The following MYZAP variants were observed in gnomAD, a reference collection of about 807,000 sequenced individuals.
MYZAP encodes the protein GRINL1A complex locus upstream.
Under a neutral mutation model 69.4 loss-of-function variants are expected in MYZAP, and 66 were observed. The ratio of observed to expected loss-of-function variants is 0.95; its 90% CI spans 0.78 to 1.17. MYZAP has a LOEUF of 1.17. Among genes scored for constraint, MYZAP ranks in the 50% most tolerant of loss-of-function variants. The probability of loss-of-function intolerance (pLI) is 0.00; values close to 1 mark genes in which losing one functional copy is unlikely to be tolerated. For synonymous variants in MYZAP, 256 were observed against 205.9 expected, an observed-to-expected ratio of 1.24 and a Z score of -2.09; for missense variants, 611 against 556.2, an observed-to-expected ratio of 1.10 and a Z score of -0.99.
intron 10 of MYZAP, among the ~76,000 whole-genome samples, chr15:57,655,525 A>G (rs1427623027): frequency 6.6e-6 from 1 of 152,144 alleles, no homozygotes; most frequent in African/African-American, 2.4e-5. Context: ...ATGGGTTTCC[A>G]GCGTGTGGCT....
intron 10 of MYZAP, chr15:57,647,007 T>C (rs1438177892): frequency 3.0e-6 from 3 of 985,238 alleles, no homozygotes; most frequent in Non-Finnish European, 3.6e-6. Flanking sequence ...GTCATAGCAA[T>C]GGGTGGCATG....
intron 1 of MYZAP, among the ~76,000 whole-genome samples, chr15:57,594,124 A>T (rs1224511544): frequency 6.6e-6 from 1 of 152,150 alleles, no homozygotes; most frequent in Non-Finnish European, 1.5e-5. Flanking sequence ...CACTAAAGGT[A>T]TGTTTTTTTG....
At chr15:57,607,463 A>C (rs558709697) in intron 2 of MYZAP, among the ~76,000 whole-genome samples, 1 of 144,962 alleles carries the variant, frequency 6.9e-6, no homozygotes, top group Non-Finnish European at 1.5e-5. Context: ...CCTCTTTTTT[A>C]AAAAAAAATC....
At chr15:57,613,567 T>C (rs2922222) in intron 2 of MYZAP, among the ~76,000 whole-genome samples, 120,107 of 151,924 alleles carry the variant, frequency 0.79, 47,892 homozygotes, top group East Asian at 0.93. Context: ...GATGGATTTT[T>C]ACCATGTTGC....
chr15:57,668,994 A>G (rs1314835683), intron 11 of MYZAP, among the ~76,000 whole-genome samples: 2 of 150,852 alleles, frequency 1.3e-5, no homozygotes, highest in Non-Finnish European at 2.9e-5. Flanking sequence ...GGCTTAAGTT[A>G]TCTCCTACCT....
intron 10 of MYZAP, chr15:57,648,544 T>G (rs1207372655): frequency 1.1e-6 from 1 of 918,676 alleles, no homozygotes; most frequent in Non-Finnish European, 1.3e-6. Flanking sequence ...TTTTTAAGCA[T>G]GGGAAACTGA....
intron 5 of MYZAP, among the ~76,000 whole-genome samples, chr15:57,627,950 A>G (rs2036261718): frequency 6.6e-6 from 1 of 152,204 alleles, no homozygotes; most frequent in Non-Finnish European, 1.5e-5. Context: ...TATTTTCTTT[A>G]GTATCTAATC....
intron 5 of MYZAP, among the ~76,000 whole-genome samples, chr15:57,629,074 C>A (rs2036332050): frequency 7.7e-6 from 1 of 129,824 alleles, no homozygotes; most frequent in African/African-American, 3.0e-5. Context: ...CAGAGTAAGG[C>A]TCTGTCTCAA....
chr15:57,673,108 T>C (rs983169679), intron 11 of MYZAP, among the ~76,000 whole-genome samples: 3 of 152,244 alleles, frequency 2.0e-5, no homozygotes, highest in Non-Finnish European at 4.4e-5. Flanking sequence ...ATACATTTTT[T>C]ATTTCTGTTT....
At position 57,632,293 on chromosome 15, in the gene MYZAP, G is replaced by C. The variant is rs570106345; in HGVS notation, c.679-141G>C. 1.5e-4 allele frequency: 203 copies of C among 1,367,878 alleles called. 1 individual carries two copies. In the South Asian group the frequency reaches 2.7e-3, roughly 18 times the overall value. 84.7% of individuals were successfully genotyped at this position (1,367,878 alleles called of 1,614,324 possible). A position where few individuals can be genotyped will look rare whatever the true frequency, so the allele number is the denominator to read the frequency against. ...CCCCTCTTCCTCCCTTTCCCTGTTA[G>C]GTCTTGCTGTGTCTCTCTGCTGCAG... On this transcript the variant is annotated intron_variant, in intron 6 of 12. Transcript: ENST00000267853.
At chr15:57,634,775 C>A (rs1044581840) in intron 8 of MYZAP, among the ~76,000 whole-genome samples, 2 of 152,186 alleles carry the variant, frequency 1.3e-5, no homozygotes, top group African/African-American at 4.8e-5. Flanking sequence ...ACTAAAGAGT[C>A]AATTACAATC....
At chr15:57,621,102 T>G (rs1472313948) in intron 3 of MYZAP, among the ~76,000 whole-genome samples, 1 of 148,412 alleles carries the variant, frequency 6.7e-6, no homozygotes, top group African/African-American at 2.4e-5. Context: ...ATTATTTGGA[T>G]AATTCCTAAC....
chr15:57,661,640 A>T (rs1470771082), intron 11 of MYZAP, 107 bp downstream of exon 11: 6 of 1,002,046 alleles, frequency 6.0e-6, no homozygotes, highest in African/African-American at 1.7e-5. Flanking sequence ...TCCCGGCCTT[A>T]TAAAATTGAT....
chr15:57,627,020 G>T lies in MYZAP; in HGVS notation c.525+1128G>T, dbSNP rs376149569. 5.8e-3 allele frequency among the ~76,000 whole-genome samples: 876 copies of T among 152,292 alleles called. 12 individuals carry two copies. Among genetic ancestry groups the T allele is most frequent in the African/African-American group, 0.019 (794 of 41,566 alleles). ...TTTCCCTTCCTCCTGTGGTCGGGGG[G>T]GCTTGCCAAGGCTCCCTTTCCTCCC... On this transcript the variant is annotated intron_variant, in intron 5 of 12. Coordinates refer to ENST00000267853, the MANE Select transcript of MYZAP (RefSeq NM_001018100.5).
chr15:57,675,098 T>C lies in MYZAP; in HGVS notation c.1304+30T>C, dbSNP rs755071003. 1.5e-5 allele frequency: 19 copies of C among 1,252,542 alleles called. No individual in the cohort carries two copies. In the African/African-American group the frequency reaches 2.6e-4, roughly 17 times the overall value. The allele number at this position is 1,252,542 out of a possible 1,614,324, so 77.6% of individuals were successfully genotyped here. Reference sequence around the variant, plus strand: ...TTAGGAATTTCCTGATTTTTTTTTTTATTCAAATTCCTCTTTGGCTGAAGA... The same window carrying C: ...TTAGGAATTTCCTGATTTTTTTTTTCATTCAAATTCCTCTTTGGCTGAAGA... On this transcript the variant is annotated intron_variant, in intron 12 of 12. Transcript: ENST00000267853.
intron 9 of MYZAP, 67 bp downstream of exon 9, chr15:57,637,841 C>G: frequency 6.9e-7 from 1 of 1,458,258 alleles, no homozygotes; most frequent in Non-Finnish European, 9.4e-7. Flanking sequence ...TTTATGACCT[C>G]ATTTGACCCT....
chr15:57,596,651 T>C (rs2140312512), intron 1 of MYZAP, among the ~76,000 whole-genome samples: 1 of 152,362 alleles, frequency 6.6e-6, no homozygotes, highest in African/African-American at 2.4e-5. Context: ...TCCTCAGTAC[T>C]GCCAGGAAAA....
intron 11 of MYZAP, among the ~76,000 whole-genome samples, chr15:57,668,895 T>TATATA (rs1491406509): frequency 1.4e-4 from 7 of 51,606 alleles, no homozygotes; most frequent in African/African-American, 5.0e-4. Context: ...TATATATATA[T>TATATA]TTTTTTTTTT....
chr15:57,668,894 A>ATT (rs869270863), intron 11 of MYZAP, among the ~76,000 whole-genome samples: 39 of 62,600 alleles, frequency 6.2e-4, no homozygotes, highest in East Asian at 5.7e-3. Flanking sequence ...ATATATATAT[A>ATT]TTTTTTTTTT....
Sources: allele counts gnomAD v4.1 joint callset (sites outside exome capture counted in the v4.1 genomes callset), GRCh38; gene constraint gnomAD v4.1.1; transcripts MANE v1.5; gene names NCBI Gene and HGNC (gene_info 2026-07-23, HGNC 2026-07-21).